The following OR3A2 variants were observed in gnomAD, a reference collection of about 807,000 sequenced individuals.
OR3A2 encodes the protein olfactory receptor family 3 subfamily A member 2, also known as olfactory receptor 3A2.
For missense variants in OR3A2, 318 were observed against 392.8 expected (o/e 0.81, Z 1.61); for synonymous variants, 126 against 159.3 (o/e 0.79, Z 1.57).
intron 2 of OR3A2, among the ~76,000 whole-genome samples, chr17:3,340,105 G>A (rs193272470): frequency 2.6e-5 from 4 of 152,258 alleles, no homozygotes; most frequent in African/African-American, 9.6e-5. Context: ...ATTTCTGTGA[G>A]ATCAGTGGTG....
chr17:3,345,071 G>T (rs1195875029), intron 2 of OR3A2, among the ~76,000 whole-genome samples: 2 of 152,178 alleles, frequency 1.3e-5, no homozygotes, highest in Non-Finnish European at 2.9e-5. Flanking sequence ...GCAAGCAGGG[G>T]AAGATAAGAT....
In OR3A2 at chr17:3,318,680, T is replaced by G. The variant is rs140443166; in HGVS notation, c.-85+17353A>C. 5.1e-3 allele frequency among the ~76,000 whole-genome samples: 772 copies of G among 152,322 alleles called. 3 individuals are homozygous for G. The highest frequency in any genetic ancestry group is 0.018 in the African/African-American group (736 of 41,572). On this transcript the variant is annotated intron_variant, in intron 3 of 4. Coordinates refer to the OR3A2 transcript ENST00000573491. ...ACAACTGCATTATCAACCCTCTATC[T>G]TCACCCTTTAGGTTGTTTCCAGTTT...
chr17:3,322,422 C>A (rs146375515), intron 3 of OR3A2, among the ~76,000 whole-genome samples: 1 of 151,980 alleles, frequency 6.6e-6, no homozygotes, highest in African/African-American at 2.4e-5. Context: ...AGCTTTTGAA[C>A]GTGTTTGCTC....
chr17:3,355,428 TTCTCTCTCTCTCTC>T lies in OR3A2; in HGVS notation c.-178-19316_-178-19303del, dbSNP rs3037631. 9.8e-3 allele frequency among the ~76,000 whole-genome samples: 1,367 copies of T among 139,654 alleles called. 57 individuals are homozygous for T. Among genetic ancestry groups the T allele is most frequent in the African/African-American group, 0.037 (1,289 of 34,532 alleles). The allele number at this position is 139,654 out of a possible 152,430, so 91.6% of individuals were successfully genotyped here. A position where few individuals can be genotyped will look rare whatever the true frequency, so the allele number is the denominator to read the frequency against. On this transcript the variant is annotated intron_variant, in intron 2 of 4. Coordinates refer to the OR3A2 transcript ENST00000573491. ...TCTCCCACTATTATCATGTTGGCATTTCTCTCTCTCTCTCTCTCTCTCTCTCTCTCTCTTTAGCT... is the reference window on the plus strand; with the variant it reads ...TCTCCCACTATTATCATGTTGGCATTTCTCTCTCTCTCTCTCTCTTTAGCT...
At chr17:3,367,250 G>A (rs1245480216) in intron 2 of OR3A2, among the ~76,000 whole-genome samples, 1 of 152,064 alleles carries the variant, frequency 6.6e-6, no homozygotes, top group Non-Finnish European at 1.5e-5. Context: ...AAGAAAAGGT[G>A]GTTTTTGGTT....
intron 3 of OR3A2, among the ~76,000 whole-genome samples, chr17:3,326,441 G>A (rs1597341379): frequency 2.0e-5 from 3 of 152,004 alleles, no homozygotes; most frequent in Admixed American, 6.6e-5. Flanking sequence ...TGGAGGGACC[G>A]GCTGGAGCTG....
intron 3 of OR3A2, among the ~76,000 whole-genome samples, chr17:3,295,160 C>CA (rs1018854598): frequency 2.6e-5 from 4 of 151,436 alleles, no homozygotes; most frequent in African/African-American, 9.7e-5. Flanking sequence ...TTATAATTAG[C>CA]AAAAAAAGGA....
exon 1 of OR3A2, chr17:3,386,133 C>T (rs1030859922): frequency 2.5e-6 from 1 of 398,750 alleles, no homozygotes. Context: ...ACCTGAGCCT[C>T]GTGGACGTCT....
intron 2 of OR3A2, among the ~76,000 whole-genome samples, chr17:3,371,376 A>AC (rs1275361331): frequency 5.6e-5 from 7 of 125,152 alleles, no homozygotes; most frequent in East Asian, 5.1e-4. Context: ...CGGGGGGCTG[A>AC]CCCCCCCACC....
intron 2 of OR3A2, among the ~76,000 whole-genome samples, chr17:3,353,912 C>CTT (rs558898146): frequency 0.19 from 22,439 of 120,780 alleles, 2,178 homozygotes; most frequent in African/African-American, 0.34. Context: ...CTTATTCATC[C>CTT]ATTTTTTTTT....
chr17:3,334,013 T>A (rs1338645303), intron 3 of OR3A2, among the ~76,000 whole-genome samples: 2 of 152,116 alleles, frequency 1.3e-5, no homozygotes, highest in Non-Finnish European at 2.9e-5. Context: ...AAGCTCAACA[T>A]CACTGATCAT....
chr17:3,353,224 G>GA, intron 2 of OR3A2, among the ~76,000 whole-genome samples: 1 of 151,562 alleles, frequency 6.6e-6, no homozygotes, highest in Non-Finnish European at 1.5e-5. Flanking sequence ...GTGAATTAGA[G>GA]AATGCTTTCC....
intron 2 of OR3A2, among the ~76,000 whole-genome samples, chr17:3,371,780 G>A (rs2049626540): frequency 7.1e-6 from 1 of 140,626 alleles, no homozygotes; most frequent in African/African-American, 2.7e-5. Flanking sequence ...GCCGGGCAGA[G>A]GCGCCCCTCA....
chr17:3,362,696 A>C (rs1479131508), intron 2 of OR3A2, among the ~76,000 whole-genome samples: 1 of 151,666 alleles, frequency 6.6e-6, no homozygotes, highest in East Asian at 1.9e-4. Flanking sequence ...ATTCAGGAGC[A>C]GATCCAACCC....
intron 3 of OR3A2, among the ~76,000 whole-genome samples, chr17:3,331,356 C>T (rs1392093177): frequency 6.6e-6 from 1 of 152,164 alleles, no homozygotes; most frequent in Non-Finnish European, 1.5e-5. Flanking sequence ...GTACACCAAT[C>T]CGACGTAGAT....
At chr17:3,351,040 A>C (rs977679173) in intron 2 of OR3A2, among the ~76,000 whole-genome samples, 1 of 151,752 alleles carries the variant, frequency 6.6e-6, no homozygotes, top group Non-Finnish European at 1.5e-5. Context: ...ATTTCAAAAT[A>C]ATAAGAGCTA....
At chr17:3,306,897 A>G (rs369193334) in intron 3 of OR3A2, among the ~76,000 whole-genome samples, 3 of 152,262 alleles carry the variant, frequency 2.0e-5, no homozygotes, top group East Asian at 3.8e-4. Context: ...AGAGTCAAAC[A>G]TAAGTGAGTG....
chr17:3,361,319 C>G (rs1362774625), intron 2 of OR3A2, among the ~76,000 whole-genome samples: 2 of 151,486 alleles, frequency 1.3e-5, no homozygotes, highest in Admixed American at 1.3e-4. Context: ...TTTGGGCTGA[C>G]ATGATGGGGT....
At chr17:3,345,848 C>A (rs1488686) in intron 2 of OR3A2, among the ~76,000 whole-genome samples, 13,120 of 151,986 alleles carry the variant, frequency 0.086, 1,078 homozygotes, top group East Asian at 0.49. Context: ...ACATTCAAAA[C>A]AAAATGGATT....
Sources: allele counts gnomAD v4.1 joint callset (sites outside exome capture counted in the v4.1 genomes callset), GRCh38; gene constraint gnomAD v4.1.1; transcripts MANE v1.5; gene names NCBI Gene and HGNC (gene_info 2026-07-23, HGNC 2026-07-21).